ADAMTSL1: variants seen among roughly 807,000 people sequenced by gnomAD.
The protein encoded by ADAMTSL1 is ADAMTS-like protein 1.
In ADAMTSL1, 126 loss-of-function variants were observed where a neutral mutation model predicts 201.8. The observed-to-expected ratio is 0.62, with a 90% CI of 0.54 to 0.72. ADAMTSL1 has a LOEUF of 0.72. ADAMTSL1 is among the 30% of genes least tolerant of loss of function. ADAMTSL1 has a pLI of 0.00. For missense variants in ADAMTSL1, 2,679 were observed against 2,277.8 expected (o/e 1.18, Z -3.59); for synonymous variants, 1,121 against 903.4 (o/e 1.24, Z -4.32).
At chr9:18,484,049 C>T (rs905272515) in intron 1 of ADAMTSL1, among the ~76,000 whole-genome samples, 1 of 152,168 alleles carries the variant, frequency 6.6e-6, no homozygotes, top group Non-Finnish European at 1.5e-5. Context: ...TGGGATCTTG[C>T]ATGTAGCACG....
At chr9:18,070,261 A>T (rs946081179) in intron 1 of ADAMTSL1, among the ~76,000 whole-genome samples, 2 of 152,232 alleles carry the variant, frequency 1.3e-5, no homozygotes, top group Non-Finnish European at 2.9e-5. Flanking sequence ...GAAGGAGTGG[A>T]TAGCCAGTCC....
At chr9:18,774,648 T>C (rs999477742) in intron 17 of ADAMTSL1, among the ~76,000 whole-genome samples, 1 of 152,204 alleles carries the variant, frequency 6.6e-6, no homozygotes, top group Non-Finnish European at 1.5e-5. Context: ...GAGGTATAAT[T>C]TATATATTAT....
rs546753448 is a variant in ADAMTSL1 at position 18,474,218 on chromosome 9, G to A, written c.-15G>A. ...TTATTCAGTGTCCGATTCTGATTCCGGCAAGGATCCAAGCATGGAATGCTG... is the reference window on the plus strand; with the variant it reads ...TTATTCAGTGTCCGATTCTGATTCCAGCAAGGATCCAAGCATGGAATGCTG... On this transcript the variant is annotated 5_prime_UTR_variant, in exon 1 of 29. Transcript: ENST00000380548. The A allele has an allele frequency of 6.2e-7, 1 of 1,613,930 alleles. No individual in the cohort carries two copies. The highest frequency in any genetic ancestry group is 8.5e-7 in the Non-Finnish European group (1 of 1,179,886).
chr9:18,824,251 G>C (rs1273581309), intron 21 of ADAMTSL1, among the ~76,000 whole-genome samples: 3 of 151,948 alleles, frequency 2.0e-5, no homozygotes, highest in Non-Finnish European at 4.4e-5. Flanking sequence ...CAGGCATCAT[G>C]ATGCTCTTGC....
chr9:18,629,134 A>C (rs1279155324), intron 5 of ADAMTSL1, among the ~76,000 whole-genome samples: 1 of 152,170 alleles, frequency 6.6e-6, no homozygotes, highest in African/African-American at 2.4e-5. Flanking sequence ...ACACTCACTC[A>C]ATACCTCTGA....
chr9:18,736,757 A>C (rs1818520156), intron 15 of ADAMTSL1, among the ~76,000 whole-genome samples: 1 of 152,228 alleles, frequency 6.6e-6, no homozygotes, highest in South Asian at 2.1e-4. Flanking sequence ...GATATATTTG[A>C]AAATATCTTG....
intron 2 of ADAMTSL1, among the ~76,000 whole-genome samples, chr9:18,177,414 T>A (rs997586635): frequency 8.5e-5 from 13 of 152,174 alleles, no homozygotes; most frequent in African/African-American, 3.1e-4. Context: ...AAACGTTGCG[T>A]CATTTAATAT....
Position 18,770,761 on chromosome 9 carries a change from C to T in ADAMTSL1, c.2377C>T (p.Leu793Phe), listed in dbSNP as rs1294305551. Residue 793 changes from leucine (L) to phenylalanine (F), a missense_variant, in exon 17 of 29, where the codon CTT becomes TTT. Physicochemically the swap from Leu to Phe is conservative, Grantham distance 22. Transcript: ENST00000380548. ...CKKDDCPSEW[L>F]LSDWTECSTS... Reference sequence around the variant, plus strand: ...GAAAGATGACTGTCCCAGCGAGTGGCTTCTCTCAGACTGGACAGAGGTATG... The same window carrying T: ...GAAAGATGACTGTCCCAGCGAGTGGTTTCTCTCAGACTGGACAGAGGTATG... 3 of 1,613,850 alleles carry T rather than the reference C, an allele frequency of 1.9e-6. No individual in the cohort carries two copies. The highest frequency in any genetic ancestry group is 2.5e-6 in the Non-Finnish European group (3 of 1,179,848).
At chr9:18,862,332 C>G (rs187534720) in intron 23 of ADAMTSL1, among the ~76,000 whole-genome samples, 1 of 152,126 alleles carries the variant, frequency 6.6e-6, no homozygotes. Flanking sequence ...TGGCTCGGAG[C>G]TGCTGCTGGC....
intron 1 of ADAMTSL1, among the ~76,000 whole-genome samples, chr9:17,983,738 A>G (rs1818815485): frequency 1.3e-5 from 2 of 152,136 alleles, no homozygotes; most frequent in Non-Finnish European, 2.9e-5. Flanking sequence ...CACAATATTT[A>G]TGTCTAATTG....
At chr9:18,470,823 G>C (rs1394560726), upstream of ADAMTSL1, among the ~76,000 whole-genome samples, 36 of 141,190 alleles carry the variant, frequency 2.5e-4, no homozygotes, top group Non-Finnish European at 3.2e-5. Context: ...TGATGCTTCA[G>C]ACAGCCCTGA....
At chr9:18,286,410 T>TC (rs1414060873) in intron 2 of ADAMTSL1, among the ~76,000 whole-genome samples, 4 of 152,184 alleles carry the variant, frequency 2.6e-5, no homozygotes, top group Non-Finnish European at 5.9e-5. Context: ...TTTCTATTCT[T>TC]CTTTTTAAAA....
chr9:18,455,754 C>A (rs976961491), intron 2 of ADAMTSL1, among the ~76,000 whole-genome samples: 6 of 150,822 alleles, frequency 4.0e-5, no homozygotes, highest in Non-Finnish European at 7.4e-5. Context: ...AATCTCTTCC[C>A]ACCCCCACCC....
At chr9:18,357,657 T>C (rs932126635) in intron 2 of ADAMTSL1, among the ~76,000 whole-genome samples, 1 of 152,204 alleles carries the variant, frequency 6.6e-6, no homozygotes, top group East Asian at 1.9e-4. Flanking sequence ...TTTAGTTGTA[T>C]GTATTTGTTC....
intron 3 of ADAMTSL1, among the ~76,000 whole-genome samples, chr9:18,570,922 TTAGA>T (rs1278066011): frequency 6.6e-6 from 1 of 152,226 alleles, no homozygotes; most frequent in East Asian, 1.9e-4. Flanking sequence ...CCTGAAGCCA[TTAGA>T]TACAGGTGAC....
intron 2 of ADAMTSL1, among the ~76,000 whole-genome samples, chr9:18,320,341 C>T (rs1462614710): frequency 1.3e-5 from 2 of 152,102 alleles, no homozygotes; most frequent in Non-Finnish European, 2.9e-5. Context: ...AAAACTGATG[C>T]TGAAGAAAAT....
intron 13 of ADAMTSL1, among the ~76,000 whole-genome samples, chr9:18,691,275 A>G (rs1335158046): frequency 6.6e-6 from 1 of 152,210 alleles, no homozygotes; most frequent in Non-Finnish European, 1.5e-5. Flanking sequence ...ATGCATAAAG[A>G]TAAGAACTAA....
At chr9:18,501,962 C>T (rs2131912051) in intron 1 of ADAMTSL1, among the ~76,000 whole-genome samples, 1 of 152,234 alleles carries the variant, frequency 6.6e-6, no homozygotes, top group African/African-American at 2.4e-5. Context: ...CTTCTTCAAA[C>T]AAGGCACATG....
rs79952490 is a variant in ADAMTSL1 at position 18,826,639 on chromosome 9, A to G, written c.4114+176A>G. Among the ~76,000 whole-genome samples, 1,113 of 152,332 alleles carry G rather than the reference A, an allele frequency of 7.3e-3. 20 individuals are homozygous for G. The highest frequency in any genetic ancestry group is 0.025 in the African/African-American group (1,055 of 41,570). On this transcript the variant is annotated intron_variant, in intron 22 of 28. Transcript: ENST00000380548. ...TAGAACACAAACTTTGAGCCCAAAC[A>G]AGAGCTTGAACCTTGGCTCTTCCAT...
Sources: gnomAD v4.1 joint callset for allele counts (sites outside exome capture counted in the v4.1 genomes callset) on GRCh38, gnomAD v4.1.1 for gene constraint, MANE v1.5 for transcripts, NCBI Gene and HGNC (gene_info 2026-07-23, HGNC 2026-07-21) for gene names.